UGT1A8: variants seen among roughly 807,000 people sequenced by gnomAD.
UGT1A8 encodes the protein UDP-glucuronosyltransferase 1A8.
UGT1A8 carries 39 observed loss-of-function variants against 45.3 expected under a neutral mutation model. The observed-to-expected ratio is 0.86, with a 90% confidence interval of 0.67 to 1.12. The LOEUF is 1.12. Among genes scored for constraint, UGT1A8 ranks in the 50% most tolerant of loss-of-function variants. UGT1A8 has a pLI of 0.00. For missense variants in UGT1A8, 719 were observed against 664.9 expected, an observed-to-expected ratio of 1.08 and a Z score of -0.90; for synonymous variants, 275 against 249.2, an observed-to-expected ratio of 1.10 and a Z score of -0.97.
intron 1 of UGT1A8, among the ~76,000 whole-genome samples, chr2:233,625,163 A>G (rs986916425): frequency 1.3e-5 from 2 of 152,132 alleles, no homozygotes; most frequent in African/African-American, 4.8e-5. Context: ...GGAAAATGTT[A>G]TTTAAAAACA....
Position 233,683,988 on chromosome 2 carries a change from C to T in UGT1A8, c.855+65426C>T, listed in dbSNP as rs28898568. Reference sequence around the variant, plus strand: ...TTTGGTCACTTGCAATTGAAAAAGTCGTGACAAATACAAGAGTAAGATTCT... The same window carrying T: ...TTTGGTCACTTGCAATTGAAAAAGTTGTGACAAATACAAGAGTAAGATTCT... On this transcript the variant is annotated intron_variant, in intron 1 of 4. Coordinates refer to ENST00000373450, the MANE Select transcript of UGT1A8 (RefSeq NM_019076.5). 7.1e-3 allele frequency among the ~76,000 whole-genome samples: 1,081 copies of T among 152,236 alleles called. 36 individuals are homozygous for T. In the East Asian group the frequency reaches 0.13, roughly 18 times the overall value.
chr2:233,721,291 G>C (rs2076934131), intron 1 of UGT1A8, among the ~76,000 whole-genome samples: 1 of 152,084 alleles, frequency 6.6e-6, no homozygotes, highest in East Asian at 1.9e-4. Context: ...AATTAGGAAG[G>C]CATTTGAATA....
chr2:233,686,821 T>G, intron 1 of UGT1A8, among the ~76,000 whole-genome samples: 1 of 152,154 alleles, frequency 6.6e-6, no homozygotes, highest in East Asian at 1.9e-4. Context: ...CCTACCTATT[T>G]TATTCCTCTT....
intron 1 of UGT1A8, among the ~76,000 whole-genome samples, chr2:233,673,274 A>G (rs7349250): frequency 0.079 from 12,053 of 152,234 alleles, 788 homozygotes; most frequent in East Asian, 0.18. Flanking sequence ...ACTTGCCAAT[A>G]AATTATAAAT....
intron 1 of UGT1A8, among the ~76,000 whole-genome samples, chr2:233,756,700 TG>T (rs1321231397): frequency 2.0e-5 from 3 of 152,278 alleles, no homozygotes; most frequent in South Asian, 2.1e-4. Flanking sequence ...CGATGAATTT[TG>T]GGGGGACTTT....
At chr2:233,640,267 T>C (rs1379616658) in intron 1 of UGT1A8, among the ~76,000 whole-genome samples, 1 of 152,158 alleles carries the variant, frequency 6.6e-6, no homozygotes, top group African/African-American at 2.4e-5. Flanking sequence ...TTAGGCTAAA[T>C]AATTTTCAGT....
chr2:233,664,859 G>A (rs1476863856), intron 1 of UGT1A8, among the ~76,000 whole-genome samples: 1 of 152,118 alleles, frequency 6.6e-6, no homozygotes, highest in Admixed American at 6.6e-5. Flanking sequence ...CCAGTTTCAT[G>A]AATCCTTTTG....
At chr2:233,748,952 T>TC (rs753200268) in intron 1 of UGT1A8, among the ~76,000 whole-genome samples, 4 of 151,666 alleles carry the variant, frequency 2.6e-5, no homozygotes, top group South Asian at 2.1e-4. Flanking sequence ...CCTATCCCAC[T>TC]CCAAGTTTCT....
chr2:233,772,520 A>C lies in UGT1A8; in HGVS notation c.1554A>C (p.Lys518Asn). The change falls in exon 5 of 5, where the codon AAA (lysine) becomes AAC (asparagine). Residue 518 changes from lysine (K) to asparagine (N), a missense_variant. Coordinates refer to ENST00000373450, the MANE Select transcript of UGT1A8 (RefSeq NM_019076.5). ...AYGYRKCLGK[K>N]GRVKKAHKSK... is the part of the protein sequence containing the mutation. ...GCTACCGGAAATGCTTGGGGAAAAA[A>C]GGGCGAGTTAAGAAAGCCCACAAAT... 1.2e-6 allele frequency: 2 copies of C among 1,614,206 alleles called. No individual in the cohort carries two copies. Among genetic ancestry groups the C allele is most frequent in the Non-Finnish European group, 1.7e-6 (2 of 1,180,032 alleles).
At chr2:233,676,838 T>G (rs776513822) in intron 1 of UGT1A8, among the ~76,000 whole-genome samples, 4 of 152,304 alleles carry the variant, frequency 2.6e-5, no homozygotes, top group Admixed American at 6.5e-5. Context: ...ACAGAACCTT[T>G]TCTCCACTGC....
rs28970018 is a variant in UGT1A8, at chr2:233,680,395, G to A, written c.855+61833G>A. On this transcript the variant is annotated intron_variant, in intron 1 of 4. Transcript: ENST00000373450. ...CTTTAGCTCCCTGCAATAGCAACAG[G>A]AGGTAGCAACAAAATTATTATAGTA... Among the ~76,000 whole-genome samples, 1,472 of 152,290 alleles carry A rather than the reference G, an allele frequency of 9.7e-3. 35 individuals carry two copies. Among genetic ancestry groups the A allele is most frequent in the African/African-American group, 0.033 (1,380 of 41,552 alleles).
intron 1 of UGT1A8, chr2:233,648,947 T>C: frequency 1.4e-6 from 2 of 1,437,296 alleles, no homozygotes; most frequent in East Asian, 2.4e-5. Context: ...GACTTTGTTT[T>C]GGAGTATCCC....
intron 1 of UGT1A8, among the ~76,000 whole-genome samples, chr2:233,681,226 C>T (rs1463032523): frequency 6.6e-6 from 1 of 151,832 alleles, no homozygotes; most frequent in Non-Finnish European, 1.5e-5. Context: ...GGGCAGAGGA[C>T]AAAATAAAAA....
At chr2:233,683,301 A>C (rs1326202137) in intron 1 of UGT1A8, among the ~76,000 whole-genome samples, 1 of 152,134 alleles carries the variant, frequency 6.6e-6, no homozygotes, top group Non-Finnish European at 1.5e-5. Flanking sequence ...TTTACAGGTC[A>C]ATGCATACAG....
At chr2:233,650,904 T>C (rs2073722158) in intron 1 of UGT1A8, among the ~76,000 whole-genome samples, 1 of 152,230 alleles carries the variant, frequency 6.6e-6, no homozygotes, top group Non-Finnish European at 1.5e-5. Context: ...ATTACTTTTT[T>C]AGCAATGGAC....
chr2:233,756,338 C>G (rs1225810729), intron 1 of UGT1A8: 2 of 152,178 alleles, frequency 1.3e-5, no homozygotes, highest in Non-Finnish European at 2.9e-5. Flanking sequence ...CTAGTCATCT[C>G]TTGATTACTT....
chr2:233,767,947 C>T lies in UGT1A8; in HGVS notation c.1075+11C>T, dbSNP rs61764033. On this transcript the variant is annotated intron_variant, in intron 3 of 4. Coordinates refer to ENST00000373450, the MANE Select transcript of UGT1A8 (RefSeq NM_019076.5). ...AAAACGATCTGCTTGGTATGTTGGG[C>T]GGATTGGATGTATAGGTCAAACCAG... 4.4e-5 allele frequency: 71 copies of T among 1,614,092 alleles called. No individual in the cohort carries two copies. Among genetic ancestry groups the T allele is most frequent in the Middle Eastern group, 1.6e-4 (1 of 6,062 alleles).
intron 1 of UGT1A8, among the ~76,000 whole-genome samples, chr2:233,748,687 A>G (rs1421247794): frequency 6.6e-6 from 1 of 151,492 alleles, no homozygotes; most frequent in Non-Finnish European, 1.5e-5. Flanking sequence ...CTGACAAAAG[A>G]TTTTTCTGGT....
intron 1 of UGT1A8, among the ~76,000 whole-genome samples, chr2:233,711,031 G>A (rs1185789408): frequency 6.6e-6 from 1 of 152,142 alleles, no homozygotes; most frequent in African/African-American, 2.4e-5. Context: ...TTTTTCTGGG[G>A]TGACCTCACT....
Sources: allele counts gnomAD v4.1 joint callset (sites outside exome capture counted in the v4.1 genomes callset), GRCh38; gene constraint gnomAD v4.1.1; transcripts MANE v1.5; gene names NCBI Gene and HGNC (gene_info 2026-07-23, HGNC 2026-07-21).